PTPRN2: variants seen among roughly 807,000 people sequenced by gnomAD.
The protein encoded by PTPRN2 is receptor-type tyrosine-protein phosphatase N2.
Under a neutral mutation model 118.8 loss-of-function variants are expected in PTPRN2, and 74 were observed. The ratio of observed to expected loss-of-function variants is 0.62; its 90% CI spans 0.52 to 0.76. The LOEUF (loss-of-function observed/expected upper bound fraction) is 0.76. Ranked by LOEUF, PTPRN2 falls within the 30% of genes least tolerant of loss-of-function variation. PTPRN2 has a pLI of 0.00. For missense variants in PTPRN2, 1,481 were observed against 1,394.4 expected (o/e 1.06, Z -0.99); for synonymous variants, 641 against 608.0 (o/e 1.05, Z -0.80).
intron 12 of PTPRN2, among the ~76,000 whole-genome samples, chr7:157,744,309 C>T (rs2150967686): frequency 6.6e-6 from 1 of 152,218 alleles, no homozygotes; most frequent in Non-Finnish European, 1.5e-5. Context: ...GAAGGAGATT[C>T]AAGGAGCCTG....
intron 21 of PTPRN2, among the ~76,000 whole-genome samples, chr7:157,556,985 T>C (rs1361953628): frequency 4.8e-5 from 7 of 146,200 alleles, no homozygotes; most frequent in African/African-American, 1.5e-4. Context: ...GCACACACAA[T>C]GTCATACATA....
chr7:157,743,971 T>C (rs1027103714), intron 12 of PTPRN2, among the ~76,000 whole-genome samples: 5 of 152,152 alleles, frequency 3.3e-5, no homozygotes, highest in African/African-American at 1.2e-4. Flanking sequence ...TGGTGGGAGC[T>C]GTGAGGCGGT....
chr7:158,306,293 G>A (rs1371704631), intron 3 of PTPRN2, among the ~76,000 whole-genome samples: 1 of 152,188 alleles, frequency 6.6e-6, no homozygotes, highest in East Asian at 1.9e-4. Flanking sequence ...TTGGAATATG[G>A]ATGGCCACAA....
chr7:157,652,954 G>A (rs1213418972), intron 14 of PTPRN2, among the ~76,000 whole-genome samples: 1 of 152,210 alleles, frequency 6.6e-6, no homozygotes, highest in Non-Finnish European at 1.5e-5. Flanking sequence ...GTGCCCCAGG[G>A]CGGGAGGGGG....
intron 3 of PTPRN2, among the ~76,000 whole-genome samples, chr7:158,215,628 A>T (rs1827902397): frequency 6.6e-6 from 1 of 152,194 alleles, no homozygotes; most frequent in Non-Finnish European, 1.5e-5. Context: ...GAGAAAAATG[A>T]CAACTTACCT....
At chr7:158,504,394 T>A (rs1822593290) in intron 1 of PTPRN2, among the ~76,000 whole-genome samples, 1 of 151,824 alleles carries the variant, frequency 6.6e-6, no homozygotes, top group South Asian at 2.1e-4. Context: ...TCCCCCCCCA[T>A]GTGTCCATGT....
chr7:158,070,722 TGTGGAGGTGCCCGTGGTG>T (rs1280627619), intron 11 of PTPRN2, among the ~76,000 whole-genome samples: 14 of 44,300 alleles, frequency 3.2e-4, no homozygotes, highest in Non-Finnish European at 5.3e-4. Flanking sequence ...GTGCCTGTGG[TGTGGAGGTGCCCGTGGTG>T]GTGGAGGTGC....
chr7:158,044,698 CA>C (rs1808716787), intron 11 of PTPRN2, among the ~76,000 whole-genome samples: 1 of 152,060 alleles, frequency 6.6e-6, no homozygotes, highest in Non-Finnish European at 1.5e-5. Flanking sequence ...CCCAGGGGAC[CA>C]AGATGGGAGC....
intron 9 of PTPRN2, among the ~76,000 whole-genome samples, chr7:158,116,245 T>C (rs1259708015): frequency 6.6e-6 from 1 of 152,220 alleles, no homozygotes; most frequent in Non-Finnish European, 1.5e-5. Context: ...CCACTCAATT[T>C]ATAAAGTTTC....
intron 11 of PTPRN2, among the ~76,000 whole-genome samples, chr7:157,927,312 T>G (rs111327625): frequency 0.054 from 1,933 of 35,664 alleles, 103 homozygotes; most frequent in East Asian, 0.12. Context: ...CCTCATGTCT[T>G]CTGGGACCCC....
chr7:158,019,797 C>T (rs909854453), intron 11 of PTPRN2, among the ~76,000 whole-genome samples: 2 of 152,206 alleles, frequency 1.3e-5, no homozygotes, highest in African/African-American at 4.8e-5. Flanking sequence ...CAGCATGAAA[C>T]GGACCCTGTG....
intron 4 of PTPRN2, among the ~76,000 whole-genome samples, chr7:158,197,219 C>G (rs1358602750): frequency 1.3e-5 from 2 of 152,176 alleles, no homozygotes; most frequent in African/African-American, 4.8e-5. Context: ...TCAAATAGAA[C>G]ATACACTTTG....
intron 13 of PTPRN2, among the ~76,000 whole-genome samples, chr7:157,658,205 C>T (rs903268071): frequency 6.6e-6 from 1 of 152,154 alleles, no homozygotes; most frequent in African/African-American, 2.4e-5. Context: ...GCGGTTTGCA[C>T]TGTGGACTGA....
At chr7:157,853,767 C>T (rs1415715179) in intron 12 of PTPRN2, among the ~76,000 whole-genome samples, 1 of 152,118 alleles carries the variant, frequency 6.6e-6, no homozygotes, top group Non-Finnish European at 1.5e-5. Flanking sequence ...ATTGAGTTCC[C>T]CAAATTCGCA....
intron 18 of PTPRN2, among the ~76,000 whole-genome samples, chr7:157,577,171 G>C (rs544657050): frequency 2.5e-4 from 38 of 152,306 alleles, no homozygotes; most frequent in Non-Finnish European, 4.6e-4. Flanking sequence ...CTGCTCAGTG[G>C]TTCCACTCTA....
At chr7:157,933,147 G>A in intron 11 of PTPRN2, among the ~76,000 whole-genome samples, 2 of 129,844 alleles carry the variant, frequency 1.5e-5, no homozygotes, top group South Asian at 4.7e-4. Context: ...TTAGAGGAGG[G>A]GTGAGTCACT....
At chr7:158,113,930 C>A (rs1178731551) in intron 9 of PTPRN2, among the ~76,000 whole-genome samples, 2 of 152,178 alleles carry the variant, frequency 1.3e-5, no homozygotes, top group Admixed American at 1.3e-4. Context: ...GTCCCAAAAG[C>A]CCGGTACCTC....
intron 2 of PTPRN2, among the ~76,000 whole-genome samples, chr7:158,383,433 C>T (rs1202826086): frequency 6.6e-6 from 1 of 152,164 alleles, no homozygotes; most frequent in Non-Finnish European, 1.5e-5. Flanking sequence ...GTATAATATA[C>T]TCTTCCAAAG....
At chr7:158,345,124 G>A (rs1469532061) in intron 2 of PTPRN2, among the ~76,000 whole-genome samples, 1 of 152,164 alleles carries the variant, frequency 6.6e-6, no homozygotes, top group African/African-American at 2.4e-5. Context: ...AGTCCTGGCA[G>A]GACCCCCACA....
Sources: gnomAD v4.1 joint callset for allele counts (sites outside exome capture counted in the v4.1 genomes callset) on GRCh38, gnomAD v4.1.1 for gene constraint, MANE v1.5 for transcripts, NCBI Gene and HGNC (gene_info 2026-07-23, HGNC 2026-07-21) for gene names.